RELN: variants seen among roughly 807,000 people sequenced by gnomAD.
RELN encodes reelin.
Under a neutral mutation model 427.6 loss-of-function variants are expected in RELN, and 108 were observed. That is an observed-to-expected ratio of 0.25 (90% confidence interval 0.22 to 0.30). The LOEUF (loss-of-function observed/expected upper bound fraction) is 0.30. Ranked by LOEUF, RELN falls within the 10% of genes least tolerant of loss-of-function variation. RELN has a pLI of 1.00. For missense variants in RELN, 3,715 were observed against 4,302.8 expected, an observed-to-expected ratio of 0.86 and a Z score of 3.82; for synonymous variants, 1,524 against 1,513.4, an observed-to-expected ratio of 1.01 and a Z score of -0.16.
At chr7:103,574,386 T>C in intron 29 of RELN, 87 bp from the exon 30 acceptor site, 1 of 1,092,876 alleles carries the variant, frequency 9.2e-7, no homozygotes. Flanking sequence ...AGGAAGAATG[T>C]CCATAGGGAT....
chr7:103,809,700 T>C (rs1308812757), intron 3 of RELN, among the ~76,000 whole-genome samples: 1 of 152,190 alleles, frequency 6.6e-6, no homozygotes, highest in African/African-American at 2.4e-5. Flanking sequence ...ATCAGCATTG[T>C]AGACCATTAA....
intron 34 of RELN, among the ~76,000 whole-genome samples, chr7:103,564,042 C>G (rs1055152359): frequency 6.6e-6 from 1 of 152,202 alleles, no homozygotes; most frequent in South Asian, 2.1e-4. Context: ...TGATGCATGA[C>G]TTTAACACAT....
intron 2 of RELN, among the ~76,000 whole-genome samples, chr7:103,889,796 CA>C (rs1794805789): frequency 6.6e-6 from 1 of 152,138 alleles, no homozygotes; most frequent in South Asian, 2.1e-4. Context: ...GAAAATAAGA[CA>C]CTATAAAAAG....
intron 6 of RELN, among the ~76,000 whole-genome samples, chr7:103,735,701 T>G (rs1790474055): frequency 6.6e-6 from 1 of 152,230 alleles, no homozygotes; most frequent in Non-Finnish European, 1.5e-5. Flanking sequence ...TGAAGCAAGT[T>G]AATCACCTAG....
intron 4 of RELN, among the ~76,000 whole-genome samples, chr7:103,761,129 CTTGAT>C (rs1266004097): frequency 2.6e-5 from 4 of 152,212 alleles, no homozygotes; most frequent in African/African-American, 9.6e-5. Context: ...TCCACCTCAA[CTTGAT>C]TTATGTCTCA....
intron 51 of RELN, among the ~76,000 whole-genome samples, chr7:103,506,315 G>T (rs963766127): frequency 6.6e-6 from 1 of 152,090 alleles, no homozygotes; most frequent in Admixed American, 6.5e-5. Context: ...AGAGAGAAAG[G>T]TCGGGTTACC....
In RELN at chr7:103,838,477, A is replaced by C. The variant is rs112440748; in HGVS notation, c.338-4805T>G. On this transcript the variant is annotated intron_variant, in intron 2 of 64. Coordinates refer to ENST00000428762, the MANE Select transcript of RELN (RefSeq NM_005045.4). ...AAGACTCTACATTTTTAAGCTGAAT[A>C]CTGAGACAAAAATCATCAAGCCAGA... is the stretch of plus-strand genomic sequence containing the variant. Among the ~76,000 whole-genome samples the C allele has an allele frequency of 8.4e-3, 1,286 of 152,274 alleles. 16 individuals are homozygous for C. The highest frequency in any genetic ancestry group is 0.029 in the African/African-American group (1,195 of 41,546).
intron 1 of RELN, among the ~76,000 whole-genome samples, chr7:103,950,127 C>T (rs1219020513): frequency 6.6e-6 from 1 of 152,176 alleles, no homozygotes; most frequent in Non-Finnish European, 1.5e-5. Context: ...TGTGTCCTAA[C>T]ATGATGGAAG....
intron 6 of RELN, among the ~76,000 whole-genome samples, chr7:103,730,612 A>C (rs1025179148): frequency 1.1e-4 from 17 of 152,146 alleles, no homozygotes; most frequent in African/African-American, 3.9e-4. Flanking sequence ...TTTATAACAA[A>C]TGTAAAAAGG....
At chr7:103,964,988 C>G (rs1796633579) in intron 1 of RELN, among the ~76,000 whole-genome samples, 1 of 152,168 alleles carries the variant, frequency 6.6e-6, no homozygotes, top group East Asian at 1.9e-4. Context: ...TGCTACCTCA[C>G]AGAATCATTG....
chr7:103,883,459 G>C (rs960304689), intron 2 of RELN, among the ~76,000 whole-genome samples: 1 of 152,300 alleles, frequency 6.6e-6, no homozygotes, highest in South Asian at 2.1e-4. Flanking sequence ...AAAGAAATAA[G>C]GGGTGTTCGA....
chr7:103,576,597 G>T (rs1041485294), intron 28 of RELN, among the ~76,000 whole-genome samples: 1 of 152,228 alleles, frequency 6.6e-6, no homozygotes, highest in African/African-American at 2.4e-5. Flanking sequence ...GTTTGGGAAT[G>T]TTTGAAACAA....
At position 103,491,970 on chromosome 7, in the gene RELN, T is replaced by G; in HGVS notation, c.9426A>C (p.Glu3142Asp). The change falls in exon 58 of 65, where the codon GAA (glutamate) becomes GAC (aspartate). Residue 3142 changes from glutamate (E) to aspartate (D), a missense_variant. Coordinates refer to ENST00000428762, the MANE Select transcript of RELN (RefSeq NM_005045.4). Reference sequence around the variant, plus strand: ...TCACAAACCTTGCATCCTTAGTGTATTCCAGCATTACGGAATGAAGGTCAC... The same window carrying G: ...TCACAAACCTTGCATCCTTAGTGTAGTCCAGCATTACGGAATGAAGGTCAC... ...SCGDLHSVML[E>D]YTKDARSDSW... The G allele has an allele frequency of 1.2e-6, 2 of 1,612,984 alleles. No individual in the cohort carries two copies. The highest frequency in any genetic ancestry group is 1.7e-6 in the Non-Finnish European group (2 of 1,179,468).
chr7:103,970,657 T>C (rs1191963269), intron 1 of RELN, among the ~76,000 whole-genome samples: 1 of 152,172 alleles, frequency 6.6e-6, no homozygotes, highest in Admixed American at 6.5e-5. Flanking sequence ...TCAACGTTAA[T>C]GAACCAACAA....
At chr7:103,898,250 T>C (rs901663447) in intron 2 of RELN, among the ~76,000 whole-genome samples, 3 of 152,028 alleles carry the variant, frequency 2.0e-5, no homozygotes, top group Admixed American at 2.0e-4. Context: ...TTATTTCAAT[T>C]ATGCAGTAAT....
intron 2 of RELN, among the ~76,000 whole-genome samples, chr7:103,843,137 C>T (rs1793593639): frequency 6.6e-6 from 1 of 152,056 alleles, no homozygotes; most frequent in African/African-American, 2.4e-5. Context: ...GAGTGTACGG[C>T]ACACAGTGTT....
At chr7:103,885,078 G>A (rs1410762446) in intron 2 of RELN, among the ~76,000 whole-genome samples, 3 of 152,108 alleles carry the variant, frequency 2.0e-5, no homozygotes, top group Non-Finnish European at 4.4e-5. Context: ...AGTGGCTCAC[G>A]CCTGTAATCC....
chr7:103,484,763 TGAGGACATGGA>T (rs1415904515), intron 61 of RELN, among the ~76,000 whole-genome samples: 4 of 152,216 alleles, frequency 2.6e-5, no homozygotes, highest in African/African-American at 7.2e-5. Context: ...AACAGACAGC[TGAGGACATGGA>T]GAGGACATGG....
chr7:103,859,470 T>A (rs886432399), intron 2 of RELN, among the ~76,000 whole-genome samples: 1 of 152,036 alleles, frequency 6.6e-6, no homozygotes, highest in Non-Finnish European at 1.5e-5. Flanking sequence ...ATTTTTTGTA[T>A]TTTTAGTAGA....
Sources: gnomAD v4.1 joint callset for allele counts (sites outside exome capture counted in the v4.1 genomes callset) on GRCh38, gnomAD v4.1.1 for gene constraint, MANE v1.5 for transcripts, NCBI Gene and HGNC (gene_info 2026-07-23, HGNC 2026-07-21) for gene names.